Variants in EIF4G3 observed in about 807,000 individuals in gnomAD.
EIF4G3 encodes eIF-4-gamma 3.
EIF4G3 carries 34 observed loss-of-function variants against 186.4 expected under a neutral mutation model. The observed-to-expected ratio is 0.18, with a 90% confidence interval of 0.14 to 0.24. The LOEUF (loss-of-function observed/expected upper bound fraction) is 0.24. EIF4G3 is among the 10% of genes least tolerant of loss of function. EIF4G3 has a pLI of 1.00. For synonymous variants in EIF4G3, 673 were observed against 679.5 expected (o/e 0.99, Z 0.15); for missense variants, 1,536 against 1,948.5 (o/e 0.79, Z 3.99).
At chr1:20,821,909 C>T (rs2062474159) in intron 33 of EIF4G3, among the ~76,000 whole-genome samples, 1 of 152,040 alleles carries the variant, frequency 6.6e-6, no homozygotes, top group Non-Finnish European at 1.5e-5. Flanking sequence ...TGGAGTCTTG[C>T]TCTGTCACCC....
chr1:20,880,168 G>A (rs573457057), intron 19 of EIF4G3, among the ~76,000 whole-genome samples: 2 of 152,198 alleles, frequency 1.3e-5, no homozygotes, highest in South Asian at 4.1e-4. Flanking sequence ...TTCCCATTCA[G>A]TATCATACCA....
At chr1:21,044,174 C>T (rs1356643570) in intron 4 of EIF4G3, among the ~76,000 whole-genome samples, 13 of 152,050 alleles carry the variant, frequency 8.5e-5, no homozygotes, top group Admixed American at 8.5e-4. Context: ...GTGACAAATC[C>T]TCCATTTGGT....
intron 2 of EIF4G3, among the ~76,000 whole-genome samples, chr1:21,125,633 C>T (rs538494712): frequency 1.2e-4 from 18 of 152,010 alleles, no homozygotes; most frequent in Non-Finnish European, 2.1e-4. Context: ...ACAGGAGAAT[C>T]GCTTGAGCCT....
chr1:20,945,679 G>A (rs2095909850), intron 13 of EIF4G3, among the ~76,000 whole-genome samples: 1 of 152,080 alleles, frequency 6.6e-6, no homozygotes, highest in Admixed American at 6.6e-5. Flanking sequence ...TTACTCAGCT[G>A]GTCTTGAATT....
At chr1:20,877,754 G>A (rs1038761479) in intron 20 of EIF4G3, among the ~76,000 whole-genome samples, 9 of 152,080 alleles carry the variant, frequency 5.9e-5, no homozygotes, top group African/African-American at 1.9e-4. Flanking sequence ...CTCATTTTAT[G>A]GATTAAAAAC....
chr1:20,969,932 T>C (rs753876898), intron 11 of EIF4G3, among the ~76,000 whole-genome samples: 2 of 152,332 alleles, frequency 1.3e-5, no homozygotes, highest in Admixed American at 1.3e-4. Flanking sequence ...AAAATACTTT[T>C]AATATATGAA....
At chr1:20,913,196 G>T (rs1418512098) in intron 14 of EIF4G3, among the ~76,000 whole-genome samples, 2 of 152,128 alleles carry the variant, frequency 1.3e-5, no homozygotes, top group Non-Finnish European at 2.9e-5. Flanking sequence ...TGAATTACAT[G>T]AGTTAGTTTG....
At chr1:21,094,748 T>A (rs1344551880) in intron 2 of EIF4G3, among the ~76,000 whole-genome samples, 2 of 143,078 alleles carry the variant, frequency 1.4e-5, no homozygotes, top group Non-Finnish European at 3.0e-5. Flanking sequence ...TGTGCACATG[T>A]ACCCTAGAAC....
At chr1:20,925,913 T>C (rs1263231723) in intron 14 of EIF4G3, among the ~76,000 whole-genome samples, 1 of 152,210 alleles carries the variant, frequency 6.6e-6, no homozygotes, top group Non-Finnish European at 1.5e-5. Context: ...GGCAGAAACT[T>C]GGAGAGAGGT....
chr1:21,023,418 G>A lies in EIF4G3; in HGVS notation c.-66-20610C>T, dbSNP rs899103204. On this transcript the variant is annotated intron_variant, in intron 4 of 36. Coordinates refer to ENST00000602326, the MANE Select transcript of EIF4G3 (RefSeq NM_001391906.1). ...CGAGTGCCTGCGATTGCAGGCACGC[G>A]CCGCCATGCCTGACTGGTTTTGGTG... 9.2e-5 allele frequency among the ~76,000 whole-genome samples: 14 copies of A among 151,824 alleles called. 1 individual carries two copies. The highest frequency in any genetic ancestry group is 6.5e-4 in the Admixed American group (10 of 15,276).
chr1:21,065,881 T>C (rs2095216836), intron 3 of EIF4G3, among the ~76,000 whole-genome samples: 1 of 152,154 alleles, frequency 6.6e-6, no homozygotes, highest in African/African-American at 2.4e-5. Flanking sequence ...TCCTGCTTGA[T>C]TTTCATTTAT....
chr1:20,942,552 A>G (rs1031127503), intron 13 of EIF4G3, among the ~76,000 whole-genome samples: 1 of 152,178 alleles, frequency 6.6e-6, no homozygotes, highest in East Asian at 1.9e-4. Context: ...TTGGAGTAAG[A>G]GAAGGAATCT....
chr1:21,130,200 A>C (rs1037196765), intron 2 of EIF4G3, among the ~76,000 whole-genome samples: 1 of 146,776 alleles, frequency 6.8e-6, no homozygotes, highest in Non-Finnish European at 1.5e-5. Flanking sequence ...ACTGGGCAAC[A>C]CAGGAGACCC....
chr1:21,072,485 G>C (rs958659275), intron 3 of EIF4G3, among the ~76,000 whole-genome samples: 1 of 152,102 alleles, frequency 6.6e-6, no homozygotes, highest in Non-Finnish European at 1.5e-5. Context: ...CTCACTGCAA[G>C]TGCTGCCTCC....
At chr1:20,978,332 C>T (rs923136044) in intron 10 of EIF4G3, among the ~76,000 whole-genome samples, 1 of 152,036 alleles carries the variant, frequency 6.6e-6, no homozygotes, top group Non-Finnish European at 1.5e-5. Context: ...ATATGTAACA[C>T]ATTATTGTTC....
chr1:21,080,579 A>C (rs1036704789), intron 3 of EIF4G3, among the ~76,000 whole-genome samples: 6 of 151,964 alleles, frequency 3.9e-5, no homozygotes, highest in African/African-American at 1.5e-4. Context: ...GCGCCATCTC[A>C]GCTCACCGCA....
At chr1:21,012,791 A>G (rs2087571028) in intron 4 of EIF4G3, among the ~76,000 whole-genome samples, 1 of 152,190 alleles carries the variant, frequency 6.6e-6, no homozygotes, top group South Asian at 2.1e-4. Context: ...TTTTGTGCCA[A>G]GAACCACCAT....
intron 29 of EIF4G3, among the ~76,000 whole-genome samples, chr1:20,848,733 AATG>A (rs1190435956): frequency 6.6e-6 from 1 of 152,104 alleles, no homozygotes; most frequent in Non-Finnish European, 1.5e-5. Context: ...TTAATATGAG[AATG>A]ATAACAGAAT....
intron 24 of EIF4G3, among the ~76,000 whole-genome samples, chr1:20,858,972 G>A (rs1165142954): frequency 6.6e-6 from 1 of 152,144 alleles, no homozygotes; most frequent in Non-Finnish European, 1.5e-5. Flanking sequence ...CTCCAGCCTG[G>A]GCGACAGAGC....
Sources: allele counts gnomAD v4.1 joint callset (sites outside exome capture counted in the v4.1 genomes callset), GRCh38; gene constraint gnomAD v4.1.1; transcripts MANE v1.5; gene names NCBI Gene and HGNC (gene_info 2026-07-23, HGNC 2026-07-21).